The following IFT52 variants were observed in gnomAD, a reference collection of about 807,000 sequenced individuals.
IFT52 encodes intraflagellar transport protein 52 homolog.
A neutral mutation model predicts 54.4 loss-of-function variants in IFT52; 44 were observed. That is an observed-to-expected ratio of 0.81 (90% CI 0.63 to 1.04). IFT52 has a LOEUF of 1.04. Among genes scored for constraint, IFT52 ranks in the 50% least tolerant of loss-of-function variants. The pLI is 0.00. For missense variants in IFT52, 452 were observed against 523.6 expected (o/e 0.86, Z 1.33); for synonymous variants, 181 against 185.3 (o/e 0.98, Z 0.19).
At chr20:43,628,348 C>T (rs940961388) in intron 10 of IFT52, among the ~76,000 whole-genome samples, 3 of 152,154 alleles carry the variant, frequency 2.0e-5, no homozygotes, top group Non-Finnish European at 4.4e-5. Flanking sequence ...AGTCTGGCTA[C>T]AGTGGTTTTG....
chr20:43,642,205 C>T, intron 12 of IFT52: 1 of 316,270 alleles, frequency 3.2e-6, no homozygotes, highest in South Asian at 8.6e-5. Flanking sequence ...TGCACCTGTT[C>T]TTTCTAATGT....
chr20:43,626,123 GA>G (rs1352889641), intron 10 of IFT52, among the ~76,000 whole-genome samples: 1 of 151,692 alleles, frequency 6.6e-6, no homozygotes, highest in Admixed American at 6.6e-5. Context: ...ATATGGAGTT[GA>G]GATGTCAATT....
intron 12 of IFT52, 61 bp downstream of exon 12, chr20:43,637,314 G>A (rs1469706201): frequency 4.5e-6 from 4 of 890,634 alleles, no homozygotes; most frequent in Non-Finnish European, 6.8e-6. Context: ...CCAGGCTGGA[G>A]TGCAATGGTG....
chr20:43,605,118 G>T, intron 6 of IFT52, 45 bp downstream of exon 6: 1 of 1,598,868 alleles, frequency 6.3e-7, no homozygotes, highest in South Asian at 1.1e-5. Context: ...GTATCATTTT[G>T]GAGTCTTCTT....
At chr20:43,605,132 C>A in intron 6 of IFT52, 59 bp downstream of exon 6, 2 of 1,589,256 alleles carry the variant, frequency 1.3e-6, no homozygotes, top group South Asian at 1.2e-5. Flanking sequence ...TCTTCTTTTT[C>A]AAAATGAAAA....
At chr20:43,621,474 T>C (rs1025139027) in intron 9 of IFT52, among the ~76,000 whole-genome samples, 1 of 152,204 alleles carries the variant, frequency 6.6e-6, no homozygotes, top group African/African-American at 2.4e-5. Context: ...ATTGTATTTA[T>C]TTTTTGAGAT....
At chr20:43,634,638 GTGT>G (rs533064578) in intron 10 of IFT52, among the ~76,000 whole-genome samples, 101 of 151,610 alleles carry the variant, frequency 6.7e-4, no homozygotes, top group African/African-American at 2.4e-3. Context: ...ATTTTATGAG[GTGT>G]TTTTTTTTTT....
At chr20:43,611,055 T>G (rs1983407422) in intron 6 of IFT52, among the ~76,000 whole-genome samples, 1 of 152,180 alleles carries the variant, frequency 6.6e-6, no homozygotes, top group South Asian at 2.1e-4. Flanking sequence ...TTGTAATTAA[T>G]TATAGTGAAG....
intron 12 of IFT52, among the ~76,000 whole-genome samples, chr20:43,637,468 G>C (rs1471949799): frequency 6.6e-6 from 1 of 152,144 alleles, no homozygotes; most frequent in Non-Finnish European, 1.5e-5. Context: ...TCATCATATT[G>C]GTCAGGCTGG....
chr20:43,623,326 AG>A (rs1984482033), intron 9 of IFT52, among the ~76,000 whole-genome samples: 1 of 152,030 alleles, frequency 6.6e-6, no homozygotes, highest in Admixed American at 6.6e-5. Context: ...CTGAGACTAC[AG>A]GCACACACCA....
At chr20:43,629,597 A>AC (rs1294467945) in intron 10 of IFT52, among the ~76,000 whole-genome samples, 4 of 152,010 alleles carry the variant, frequency 2.6e-5, no homozygotes, top group African/African-American at 9.7e-5. Context: ...CAGACATTGA[A>AC]CCCCCACTTT....
chr20:43,637,043 A>C, intron 11 of IFT52, 102 bp from the exon 12 acceptor site: 1 of 753,194 alleles, frequency 1.3e-6, no homozygotes, highest in Admixed American at 2.3e-5. Flanking sequence ...CTTGTGTCTT[A>C]TCACTGTTAG....
At chr20:43,602,540 GC>G (rs1205436288) in intron 3 of IFT52, among the ~76,000 whole-genome samples, 1 of 151,838 alleles carries the variant, frequency 6.6e-6, no homozygotes, top group African/African-American at 2.4e-5. Context: ...ATGGAATCTT[GC>G]TCTGTTGCCC....
At chr20:43,616,079 T>G (rs983776070) in intron 7 of IFT52, among the ~76,000 whole-genome samples, 2 of 152,232 alleles carry the variant, frequency 1.3e-5, no homozygotes, top group Non-Finnish European at 2.9e-5. Context: ...TCTTGACATC[T>G]CTGGCTTAGT....
At chr20:43,609,438 C>T (rs1983239990) in intron 6 of IFT52, among the ~76,000 whole-genome samples, 1 of 151,980 alleles carries the variant, frequency 6.6e-6, no homozygotes, top group Non-Finnish European at 1.5e-5. Context: ...TACCACACCC[C>T]AAAATGTATT....
At position 43,634,996 on chromosome 20, in the gene IFT52, C is replaced by T. The variant is rs576378088; in HGVS notation, c.924-930C>T. 6.6e-4 allele frequency among the ~76,000 whole-genome samples: 101 copies of T among 152,090 alleles called. 2 individuals carry two copies. The East Asian group carries it at 0.017, about 26-fold the overall frequency. ...CCAGCCTGACCAACATGGTGAAACC[C>T]ATCTCTACTAAAAATACAAAAATTA... On this transcript the variant is annotated intron_variant, in intron 10 of 13. Transcript: ENST00000373030.
intron 9 of IFT52, 83 bp from the exon 10 acceptor site, chr20:43,623,808 G>T: frequency 7.0e-7 from 1 of 1,431,412 alleles, no homozygotes. Context: ...AAATGTTGCA[G>T]ATTTAGACCT....
In IFT52 at chr20:43,594,715, G is replaced by A. The variant is rs1265348920; in HGVS notation, c.17G>A (p.Arg6Gln). 34 of 1,599,986 alleles carry A rather than the reference G, an allele frequency of 2.1e-5. No individual in the cohort carries two copies. Among genetic ancestry groups the A allele is most frequent in the Admixed American group, 1.0e-4 (6 of 59,942 alleles). ...AAGGTAACCATGGAGAAAGAGCTGC[G>A]GAGCACCATTCTTTTCAATGCCTAC... MEKEL[R>Q]STILFNAYKK... The change falls in exon 2 of 14, where the codon CGG (arginine) becomes CAG (glutamine). Residue 6 changes from arginine to glutamine, a missense_variant. Coordinates refer to ENST00000373030, the MANE Select transcript of IFT52 (RefSeq NM_016004.5).
Position 43,646,951 on chromosome 20 carries a change from A to G in IFT52, c.1282A>G (p.Thr428Ala). Residue 428 changes from threonine (T) to alanine (A), a missense_variant, in exon 14 of 14, where the codon ACA becomes GCA. By Grantham distance (58) the Thr-to-Ala change is moderately conservative (BLOSUM62 0). Transcript: ENST00000373030. ...TCTCATCCAGGAACATGACATCGAT[A>G]CAAGTGAAACAGCATTCCAGAACAA... is the stretch of plus-strand genomic sequence containing the variant. ...KKLNQEHDID[T>A]SETAFQNNF 2 of 1,613,898 alleles carry G rather than the reference A, an allele frequency of 1.2e-6. No individual in the cohort carries two copies. Among genetic ancestry groups the G allele is most frequent in the Middle Eastern group, 1.7e-4 (1 of 6,060 alleles).
Sources: gnomAD v4.1 joint callset for allele counts (sites outside exome capture counted in the v4.1 genomes callset) on GRCh38, gnomAD v4.1.1 for gene constraint, MANE v1.5 for transcripts, NCBI Gene and HGNC (gene_info 2026-07-23, HGNC 2026-07-21) for gene names.